The following MSN variants were observed in gnomAD, a reference collection of about 807,000 sequenced individuals.
MSN encodes moesin, also known as epididymis luminal protein 70.
A neutral mutation model predicts 48.0 loss-of-function variants in MSN; 2 were observed. That is an observed-to-expected ratio of 0.04 (90% CI 0.02 to 0.13). The LOEUF (loss-of-function observed/expected upper bound fraction) is 0.13. MSN is among the 10% of genes least tolerant of loss of function. The pLI, the probability that MSN is intolerant of heterozygous loss-of-function variation, is 1.00. For synonymous variants in MSN, 146 were observed against 166.9 expected, an observed-to-expected ratio of 0.87 and a Z score of 0.97; for missense variants, 267 against 470.1, an observed-to-expected ratio of 0.57 and a Z score of 3.99.
chrX:65,669,168 T>G (rs764433579), intron 1 of MSN, among the ~76,000 whole-genome samples: 16 of 111,770 alleles, frequency 1.4e-4, no homozygotes, highest in Admixed American at 5.7e-4. Context: ...TTTTAGGACA[T>G]GAGGCTTTTA....
At chrX:65,735,690 C>T (rs1370287829) in intron 8 of MSN, among the ~76,000 whole-genome samples, 2 of 112,472 alleles carry the variant, frequency 1.8e-5, no homozygotes, top group Non-Finnish European at 3.8e-5. Flanking sequence ...ACAATATATA[C>T]ATAACTCAAG....
intron 1 of MSN, among the ~76,000 whole-genome samples, chrX:65,677,405 A>T (rs1169687503): frequency 1.8e-5 from 2 of 112,288 alleles, no homozygotes; most frequent in African/African-American, 6.5e-5. Flanking sequence ...AAGTCACATA[A>T]CTTCTTTGCC....
intron 1 of MSN, among the ~76,000 whole-genome samples, chrX:65,683,936 C>CTT (rs1379919738): frequency 4.0e-5 from 4 of 101,174 alleles, no homozygotes; most frequent in Non-Finnish European, 8.1e-5. Context: ...TTCTTTCTTT[C>CTT]TTTTTCTTTT....
intron 1 of MSN, among the ~76,000 whole-genome samples, chrX:65,621,971 C>T (rs775066982): frequency 8.9e-6 from 1 of 111,748 alleles, no homozygotes; most frequent in African/African-American, 3.2e-5. Flanking sequence ...TGACATTGTA[C>T]CCCACAATTT....
intron 1 of MSN, among the ~76,000 whole-genome samples, chrX:65,671,352 A>C (rs2070939797): frequency 9.0e-6 from 1 of 110,871 alleles, no homozygotes; most frequent in Non-Finnish European, 1.9e-5. Flanking sequence ...TGGTCATTTG[A>C]TGGGACCATC....
At chrX:65,681,000 C>T (rs1355848172) in intron 1 of MSN, among the ~76,000 whole-genome samples, 1 of 111,218 alleles carries the variant, frequency 9.0e-6, no homozygotes, top group Non-Finnish European at 1.9e-5. Context: ...ATCCACCCAC[C>T]TCAGCCTCCC....
chrX:65,624,407 T>C (rs766133784), intron 1 of MSN, among the ~76,000 whole-genome samples: 1 of 110,785 alleles, frequency 9.0e-6, no homozygotes, highest in East Asian at 2.8e-4. Flanking sequence ...CTCTTTCTTC[T>C]ATTGTCATTC....
chrX:65,735,160 T>C, intron 7 of MSN, 107 bp from the exon 8 acceptor site: 1 of 889,092 alleles, frequency 1.1e-6, no homozygotes, highest in South Asian at 2.4e-5. Flanking sequence ...GTGCAGGAGG[T>C]CAGATTAAAT....
chrX:65,662,831 T>A (rs1319896569), upstream of MSN, among the ~76,000 whole-genome samples: 4 of 112,343 alleles, frequency 3.6e-5, no homozygotes, highest in Non-Finnish European at 7.5e-5. Context: ...AAAGAAACTA[T>A]CAACAGAGTA....
At chrX:65,614,693 T>A (rs1243630119) in intron 1 of MSN, among the ~76,000 whole-genome samples, 3 of 96,266 alleles carry the variant, frequency 3.1e-5, no homozygotes, top group Admixed American at 1.0e-4. Context: ...TATTTATTTA[T>A]TTATTTTTTC....
At chrX:65,678,582 G>A (rs932953708) in intron 1 of MSN, among the ~76,000 whole-genome samples, 1 of 111,321 alleles carries the variant, frequency 9.0e-6, no homozygotes, top group East Asian at 2.8e-4. Flanking sequence ...CCTGTTGTAT[G>A]CCTAGCCTTC....
intron 1 of MSN, chrX:65,625,951 C>CTTTT (rs750827976): frequency 9.0e-5 from 7 of 78,067 alleles, no homozygotes; most frequent in African/African-American, 4.7e-4. Context: ...TTTAATACAG[C>CTTTT]TTTTTTTTTT....
intron 1 of MSN, among the ~76,000 whole-genome samples, chrX:65,644,980 G>C (rs1361196323): frequency 8.9e-6 from 1 of 112,546 alleles, no homozygotes; most frequent in African/African-American, 3.2e-5. Flanking sequence ...GGAAAAGTTA[G>C]AGTTACCCCC....
intron 1 of MSN, among the ~76,000 whole-genome samples, chrX:65,633,466 A>T (rs973583493): frequency 3.6e-5 from 4 of 112,380 alleles, no homozygotes; most frequent in Non-Finnish European, 7.5e-5. Flanking sequence ...ATCACATCTC[A>T]GTTCTGATTA....
At chrX:65,641,833 A>T (rs1216112235) in intron 1 of MSN, among the ~76,000 whole-genome samples, 4 of 108,315 alleles carry the variant, frequency 3.7e-5, no homozygotes, top group Non-Finnish European at 7.6e-5. Context: ...ATAGTGTAAA[A>T]TTGAAAACAA....
At chrX:65,619,781 G>A (rs1212227827) in intron 1 of MSN, among the ~76,000 whole-genome samples, 2 of 109,350 alleles carry the variant, frequency 1.8e-5, no homozygotes, top group Non-Finnish European at 3.8e-5. Context: ...GAGGAGAGGT[G>A]CTCTGCTTTT....
At chrX:65,611,189 T>C (rs1444383538) in intron 1 of MSN, among the ~76,000 whole-genome samples, 2 of 105,454 alleles carry the variant, frequency 1.9e-5, no homozygotes, top group African/African-American at 3.5e-5. Flanking sequence ...TTTTGGAGTC[T>C]TGCTGTCTCA....
At chrX:65,620,225 G>A (rs1049053503) in intron 1 of MSN, among the ~76,000 whole-genome samples, 1 of 112,688 alleles carries the variant, frequency 8.9e-6, no homozygotes, top group Admixed American at 9.4e-5. Context: ...TTGATCTGTG[G>A]TAGTCTCCAC....
rs145412555 is a variant in MSN, at chrX:65,590,953, G to C, written c.-22+2341G>C. ...ACCATTTCCTGCCCGAATAAGGTGT[G>C]CTTCCTGTGTAGCCCTCTCAATCTA... On this transcript the variant is annotated intron_variant, in intron 1 of 3. Transcript: ENST00000609672. 2.2e-3 allele frequency among the ~76,000 whole-genome samples: 249 copies of C among 111,480 alleles called. 3 individuals are homozygous for C. Among genetic ancestry groups the C allele is most frequent in the African/African-American group, 8.0e-3 (246 of 30,689 alleles).
Sources: allele counts gnomAD v4.1 joint callset (sites outside exome capture counted in the v4.1 genomes callset), GRCh38; gene constraint gnomAD v4.1.1; transcripts MANE v1.5; gene names NCBI Gene and HGNC (gene_info 2026-07-23, HGNC 2026-07-21).